DIP2C: variants seen among roughly 807,000 people sequenced by gnomAD.
DIP2C encodes the protein DIP2 acetate--CoA ligase C (putative), also known as disco-interacting protein 2 homolog C.
In DIP2C, 33 loss-of-function variants were observed where a neutral mutation model predicts 192.4. That is an observed-to-expected ratio of 0.17 (90% CI 0.13 to 0.23). The LOEUF (loss-of-function observed/expected upper bound fraction) is 0.23. Among genes scored for constraint, DIP2C ranks in the 10% least tolerant of loss-of-function variants. The pLI is 1.00. For missense variants in DIP2C, 1,537 were observed against 2,110.1 expected, an observed-to-expected ratio of 0.73 and a Z score of 5.32; for synonymous variants, 979 against 864.1, an observed-to-expected ratio of 1.13 and a Z score of -2.33.
At chr10:580,651 C>G (rs1419640446) in intron 1 of DIP2C, among the ~76,000 whole-genome samples, 2 of 152,168 alleles carry the variant, frequency 1.3e-5, no homozygotes, top group Admixed American at 1.3e-4. Context: ...TACAAGTACA[C>G]ATTTGTATAG....
intron 1 of DIP2C, among the ~76,000 whole-genome samples, chr10:629,181 C>A (rs1297759230): frequency 1.3e-5 from 2 of 152,172 alleles, no homozygotes; most frequent in Non-Finnish European, 2.9e-5. Flanking sequence ...GGTGGAGACA[C>A]ACGGTTGGCC....
intron 24 of DIP2C, among the ~76,000 whole-genome samples, chr10:351,090 G>A (rs974879423): frequency 1.3e-5 from 2 of 152,208 alleles, no homozygotes; most frequent in African/African-American, 4.8e-5. Flanking sequence ...CGAGATGGCT[G>A]TCGGGGACCA....
chr10:631,984 G>A (rs760255177), intron 1 of DIP2C, among the ~76,000 whole-genome samples: 5 of 152,202 alleles, frequency 3.3e-5, no homozygotes, highest in African/African-American at 7.2e-5. Flanking sequence ...AGTATTAAGC[G>A]TAATCAAAGA....
chr10:590,572 TTCAAC>T (rs1482784096), intron 1 of DIP2C, among the ~76,000 whole-genome samples: 1 of 152,202 alleles, frequency 6.6e-6, no homozygotes, highest in Admixed American at 6.5e-5. Flanking sequence ...CACATTTCGA[TTCAAC>T]AAGATAATTT....
At chr10:629,328 C>T (rs1406795830) in intron 1 of DIP2C, among the ~76,000 whole-genome samples, 4 of 152,120 alleles carry the variant, frequency 2.6e-5, no homozygotes, top group African/African-American at 9.7e-5. Context: ...GGGCCAACTC[C>T]AAAGCGGGCG....
intron 3 of DIP2C, among the ~76,000 whole-genome samples, chr10:464,720 G>A (rs1589854153): frequency 6.6e-6 from 1 of 152,138 alleles, no homozygotes; most frequent in Non-Finnish European, 1.5e-5. Flanking sequence ...CAAAAACTCG[G>A]ATCCAACCCA....
chr10:660,832 C>A (rs924584502), intron 1 of DIP2C, among the ~76,000 whole-genome samples: 1 of 152,162 alleles, frequency 6.6e-6, no homozygotes, highest in Admixed American at 6.5e-5. Context: ...CAAAACATAA[C>A]CCATGAAGCG....
chr10:453,416 A>T (rs1371038130), intron 3 of DIP2C, among the ~76,000 whole-genome samples: 1 of 152,266 alleles, frequency 6.6e-6, no homozygotes, highest in African/African-American at 2.4e-5. Context: ...CATGCTGGAC[A>T]TACAGTGTCA....
chr10:480,227 C>T (rs570242954), intron 2 of DIP2C, among the ~76,000 whole-genome samples: 13 of 149,926 alleles, frequency 8.7e-5, no homozygotes, highest in African/African-American at 2.7e-4. Context: ...GCCTGAGCTC[C>T]GGTCCATGCT....
Position 364,495 on chromosome 10 carries a change from G to A in DIP2C, c.2356C>T (p.Leu786Phe), listed in dbSNP as rs1959943942. The part of the protein sequence containing the change: ...GLLGFVGPGG[L>F]VFVVGKMDGL... ...TCCATCTTGCCCACCACGAAGACGA[G>A]GCCTCCGGGACCCACGAACCCCAGC... The change falls in exon 20 of 37, where the codon CTC becomes TTC. Residue 786 changes from leucine (L) to phenylalanine (F), a missense_variant. By Grantham distance (22) the Leu-to-Phe change is conservative (BLOSUM62 0). Around this residue, in one of 4 missense-constraint regions of DIP2C, gnomAD observed 677 missense variants for 989.9 expected, o/e 0.68. Transcript: ENST00000280886. The A allele has an allele frequency of 3.1e-6, 5 of 1,614,136 alleles. No homozygotes were observed. Among genetic ancestry groups the A allele is most frequent in the Non-Finnish European group, 4.2e-6 (5 of 1,180,040 alleles).
At chr10:573,410 T>C (rs1208469856) in intron 1 of DIP2C, among the ~76,000 whole-genome samples, 1 of 152,224 alleles carries the variant, frequency 6.6e-6, no homozygotes, top group Non-Finnish European at 1.5e-5. Flanking sequence ...CCACATGTTA[T>C]TATCGTTGCT....
At chr10:596,829 C>A (rs950656909) in intron 1 of DIP2C, among the ~76,000 whole-genome samples, 1 of 152,198 alleles carries the variant, frequency 6.6e-6, no homozygotes, top group Non-Finnish European at 1.5e-5. Context: ...TCATCACCAC[C>A]ACTGCCCAGG....
chr10:284,979 G>A (rs879766193), intron 34 of DIP2C, among the ~76,000 whole-genome samples: 5 of 152,146 alleles, frequency 3.3e-5, no homozygotes, highest in African/African-American at 7.2e-5. Context: ...CCCAGCCTAC[G>A]TCTCGGGCAG....
At chr10:379,919 AC>A (rs1962175638) in intron 17 of DIP2C, among the ~76,000 whole-genome samples, 1 of 151,916 alleles carries the variant, frequency 6.6e-6, no homozygotes, top group African/African-American at 2.4e-5. Flanking sequence ...ATGATGGTTA[AC>A]AGGCAGAAAA....
intron 5 of DIP2C, among the ~76,000 whole-genome samples, chr10:420,785 T>C (rs1026327102): frequency 1.3e-5 from 2 of 152,148 alleles, no homozygotes; most frequent in Admixed American, 1.3e-4. Context: ...CGTGGCCAGC[T>C]CTGAGAGACT....
chr10:571,765 G>A (rs182984663), intron 1 of DIP2C, among the ~76,000 whole-genome samples: 18 of 152,310 alleles, frequency 1.2e-4, no homozygotes, highest in Non-Finnish European at 2.2e-4. Context: ...CCAGCAGTAT[G>A]GCTGTGACCA....
chr10:688,886 A>G (rs551076677), intron 1 of DIP2C, among the ~76,000 whole-genome samples: 2 of 151,066 alleles, frequency 1.3e-5, no homozygotes, highest in South Asian at 4.2e-4. Flanking sequence ...GCCCGCGAAC[A>G]ATGGGGGTGG....
chr10:334,401 G>A (rs1483964688), intron 29 of DIP2C, among the ~76,000 whole-genome samples: 1 of 151,188 alleles, frequency 6.6e-6, no homozygotes, highest in African/African-American at 2.4e-5. Flanking sequence ...CCCAGACTGT[G>A]GCTTGTCTTT....
At chr10:532,670 AGAGAGAGTATGGGTGT>A (rs1564824734) in intron 1 of DIP2C, among the ~76,000 whole-genome samples, 17 of 59,916 alleles carry the variant, frequency 2.8e-4, no homozygotes, top group South Asian at 1.8e-3. Context: ...TATGGGTGTG[AGAGAGAGTATGGGTGT>A]GAGAGAGTAT....
Sources: gnomAD v4.1 joint callset for allele counts (sites outside exome capture counted in the v4.1 genomes callset) on GRCh38, gnomAD v4.1.1 for gene constraint, gnomAD v4.1.1 regional missense constraint, MANE v1.5 for transcripts, NCBI Gene and HGNC (gene_info 2026-07-23, HGNC 2026-07-21) for gene names.